Variants in PTGES3 observed in about 807,000 individuals in gnomAD.
The protein encoded by PTGES3 is prostaglandin E synthase 3.
Under a neutral mutation model 29.9 loss-of-function variants are expected in PTGES3, and 5 were observed. The observed-to-expected ratio is 0.17, with a 90% CI of 0.09 to 0.35. PTGES3 has a LOEUF of 0.35. Ranked by LOEUF, PTGES3 falls within the 10% of genes least tolerant of loss-of-function variation. PTGES3 has a pLI of 1.00. For synonymous variants in PTGES3, 49 were observed against 57.8 expected (o/e 0.85, Z 0.69); for missense variants, 128 against 190.0 (o/e 0.67, Z 1.92).
intron 5 of PTGES3, among the ~76,000 whole-genome samples, chr12:56,668,590 G>T (rs542737106): frequency 6.6e-6 from 1 of 152,120 alleles, no homozygotes; most frequent in Non-Finnish European, 1.5e-5. Flanking sequence ...TGGTGGCACC[G>T]ATTTCTACAG....
chr12:56,685,267 A>G (rs560442482), intron 1 of PTGES3, among the ~76,000 whole-genome samples: 1 of 152,280 alleles, frequency 6.6e-6, no homozygotes, highest in Admixed American at 6.5e-5. Context: ...GTCCCTGAAG[A>G]ATTTACTAAA....
At chr12:56,687,450 G>GT (rs1224746050) in intron 1 of PTGES3, 4 of 988,488 alleles carry the variant, frequency 4.0e-6, no homozygotes, top group Non-Finnish European at 4.8e-6. Context: ...GGAGAGGGAA[G>GT]TATGTTGCGG....
At chr12:56,679,463 T>C (rs1016080351) in intron 1 of PTGES3, among the ~76,000 whole-genome samples, 8 of 151,176 alleles carry the variant, frequency 5.3e-5, no homozygotes, top group African/African-American at 1.9e-4. Flanking sequence ...GGTTTATTGT[T>C]GTTTTGCTTT....
At chr12:56,686,918 C>CT (rs1277669294) in intron 1 of PTGES3, 13 of 323,384 alleles carry the variant, frequency 4.0e-5, no homozygotes, top group Non-Finnish European at 6.6e-5. Context: ...TGAATGGAGT[C>CT]TAAAACAAAA....
At chr12:56,673,942 T>C (rs1310564761) in intron 1 of PTGES3, among the ~76,000 whole-genome samples, 1 of 152,000 alleles carries the variant, frequency 6.6e-6, no homozygotes, top group Non-Finnish European at 1.5e-5. Flanking sequence ...CAATCCAGCC[T>C]GGGCAACAGA....
chr12:56,670,121 T>C (rs1951946318), intron 5 of PTGES3, among the ~76,000 whole-genome samples, 154 bp downstream of exon 5: 1 of 152,164 alleles, frequency 6.6e-6, no homozygotes, highest in South Asian at 2.1e-4. Flanking sequence ...AAATTGCCAT[T>C]GTTAACATCT....
chr12:56,673,811 A>T (rs1592255888), intron 1 of PTGES3, among the ~76,000 whole-genome samples: 1 of 142,110 alleles, frequency 7.0e-6, no homozygotes, highest in Non-Finnish European at 1.5e-5. Context: ...AAAAAAAAAA[A>T]AATTAGCTGG....
At chr12:56,687,321 A>C in intron 1 of PTGES3, 3 of 989,508 alleles carry the variant, frequency 3.0e-6, no homozygotes, top group Non-Finnish European at 3.6e-6. Context: ...CTACCTGCTC[A>C]ATGGTAACTC....
chr12:56,675,004 CAAAAAA>C (rs1177350725), intron 1 of PTGES3, among the ~76,000 whole-genome samples: 11 of 32,358 alleles, frequency 3.4e-4, no homozygotes, highest in South Asian at 2.3e-3. Flanking sequence ...AACTCGGTCT[CAAAAAA>C]AAAAAAAAAA....
At chr12:56,679,346 AC>A (rs1273467917) in intron 1 of PTGES3, among the ~76,000 whole-genome samples, 1 of 146,276 alleles carries the variant, frequency 6.8e-6, no homozygotes, top group Non-Finnish European at 1.5e-5. Flanking sequence ...GGCGGAGGCT[AC>A]AGTGAGCTGA....
chr12:56,674,944 C>T (rs996851973), intron 1 of PTGES3, among the ~76,000 whole-genome samples: 3 of 127,206 alleles, frequency 2.4e-5, no homozygotes, highest in African/African-American at 3.0e-5. Flanking sequence ...GTGGAGGTTA[C>T]GGTGAGCCGA....
chr12:56,674,550 G>C (rs546939154), intron 1 of PTGES3, among the ~76,000 whole-genome samples: 14 of 151,974 alleles, frequency 9.2e-5, no homozygotes, highest in Non-Finnish European at 2.1e-4. Flanking sequence ...AATTCAGGCG[G>C]GCACAGTGGC....
At chr12:56,667,536 G>A (rs745752821) in intron 5 of PTGES3, among the ~76,000 whole-genome samples, 12 of 152,138 alleles carry the variant, frequency 7.9e-5, no homozygotes, top group Non-Finnish European at 1.6e-4. Context: ...AGAATCTGAA[G>A]CACGTCATGC....
At chr12:56,676,216 G>A (rs902132659) in intron 1 of PTGES3, among the ~76,000 whole-genome samples, 7 of 127,386 alleles carry the variant, frequency 5.5e-5, no homozygotes, top group African/African-American at 2.3e-4. Context: ...ACAGAGAGAG[G>A]CTGTGTCTCC....
Position 56,682,868 on chromosome 12 carries a change from C to A in PTGES3, c.2+5130G>T, listed in dbSNP as rs533254575. Reference sequence around the variant, plus strand: ...AATTAGCTGGGCATAGCGGCACATGCCTGTAGTCCCAGCTACTTGGGAGTC... The same window carrying A: ...AATTAGCTGGGCATAGCGGCACATGACTGTAGTCCCAGCTACTTGGGAGTC... On this transcript the variant is annotated intron_variant, in intron 1 of 7. Transcript: ENST00000262033. 5.3e-5 allele frequency among the ~76,000 whole-genome samples: 8 copies of A among 152,182 alleles called. No individual in the cohort carries two copies. The South Asian group carries it at 1.7e-3, about 32-fold the overall frequency.
intron 5 of PTGES3, among the ~76,000 whole-genome samples, chr12:56,669,387 G>A (rs1019002319): frequency 2.0e-5 from 3 of 151,942 alleles, no homozygotes; most frequent in Non-Finnish European, 4.4e-5. Context: ...GGGTTCACGC[G>A]ATTCTCCTGC....
At chr12:56,670,539 C>G (rs2137612585) in intron 4 of PTGES3, 175 bp from the exon 5 acceptor site, 2 of 573,560 alleles carry the variant, frequency 3.5e-6, no homozygotes, top group East Asian at 2.9e-5. Context: ...TGAGTTTTGA[C>G]CAGCTCCGTT....
At chr12:56,679,635 G>A (rs773158037) in intron 1 of PTGES3, among the ~76,000 whole-genome samples, 6 of 152,092 alleles carry the variant, frequency 3.9e-5, no homozygotes, top group Admixed American at 6.6e-5. Context: ...AGAAGCTAAA[G>A]TTAAAGCTAA....
chr12:56,675,004 C>CAAAAA (rs1177350725), intron 1 of PTGES3, among the ~76,000 whole-genome samples: 10,366 of 32,132 alleles, frequency 0.32, 2,834 homozygotes, highest in East Asian at 0.52. Context: ...AACTCGGTCT[C>CAAAAA]AAAAAAAAAA....
Sources: allele counts gnomAD v4.1 joint callset (sites outside exome capture counted in the v4.1 genomes callset), GRCh38; gene constraint gnomAD v4.1.1; transcripts MANE v1.5; gene names NCBI Gene and HGNC (gene_info 2026-07-23, HGNC 2026-07-21).